Variants in ANO4 observed in about 807,000 individuals in gnomAD.
ANO4 encodes anoctamin-4.
Under a neutral mutation model 141.9 loss-of-function variants are expected in ANO4, and 69 were observed. The observed-to-expected ratio is 0.49, with a 90% CI of 0.40 to 0.59. The LOEUF (loss-of-function observed/expected upper bound fraction) is 0.59. Ranked by LOEUF, ANO4 falls within the 20% of genes least tolerant of loss-of-function variation. The pLI, the probability that ANO4 is intolerant of heterozygous loss-of-function variation, is 0.00. For missense variants in ANO4, 894 were observed against 1,162.2 expected, an observed-to-expected ratio of 0.77 and a Z score of 3.36; for synonymous variants, 350 against 394.3, an observed-to-expected ratio of 0.89 and a Z score of 1.33.
At chr12:100,865,588 A>G (rs1018198319) in intron 1 of ANO4, among the ~76,000 whole-genome samples, 4 of 152,204 alleles carry the variant, frequency 2.6e-5, no homozygotes, top group African/African-American at 9.7e-5. Flanking sequence ...GAGAAATGCA[A>G]ATCAAAAGCA....
At chr12:101,042,121 A>G (rs1018727250) in intron 11 of ANO4, among the ~76,000 whole-genome samples, 2 of 152,118 alleles carry the variant, frequency 1.3e-5, no homozygotes, top group Non-Finnish European at 2.9e-5. Context: ...ATGTTATTTT[A>G]TGGAAGGGCT....
At chr12:100,937,116 C>A (rs540336507) in intron 3 of ANO4, among the ~76,000 whole-genome samples, 16 of 152,188 alleles carry the variant, frequency 1.1e-4, no homozygotes, top group African/African-American at 3.1e-4. Flanking sequence ...ATGCCAAGTC[C>A]CAGAACCATA....
In ANO4 at chr12:100,870,155, A is replaced by G. The variant is rs190790281; in HGVS notation, c.-140-31491A>G. On this transcript the variant is annotated intron_variant, in intron 1 of 27. Transcript: ENST00000392977. ...CAGTTACTGGGACTTGGAGACAGGC[A>G]TAACTGTGGAAAGGGTTGCTGGAAA... Among the ~76,000 whole-genome samples, 476 of 152,326 alleles carry G rather than the reference A, an allele frequency of 3.1e-3. 4 individuals carry two copies. The highest frequency in any genetic ancestry group is 0.01 in the African/African-American group (425 of 41,586).
At chr12:100,786,281 T>C (rs1043999446) in intron 3 of ANO4, among the ~76,000 whole-genome samples, 1 of 152,192 alleles carries the variant, frequency 6.6e-6, no homozygotes, top group Non-Finnish European at 1.5e-5. Flanking sequence ...ATTGCAGTTA[T>C]GAGCAGAGGC....
chr12:100,929,542 A>C (rs1241741429), intron 3 of ANO4, among the ~76,000 whole-genome samples: 1 of 152,118 alleles, frequency 6.6e-6, no homozygotes, highest in Non-Finnish European at 1.5e-5. Context: ...GTTCCTTCCA[A>C]ATCTTGGCTA....
intron 17 of ANO4, among the ~76,000 whole-genome samples, chr12:101,089,062 T>C (rs1378628218): frequency 6.6e-6 from 1 of 152,152 alleles, no homozygotes; most frequent in Non-Finnish European, 1.5e-5. Context: ...CTGAAATGCT[T>C]ACATCTTTGA....
chr12:100,883,480 C>A (rs963727921), intron 1 of ANO4, among the ~76,000 whole-genome samples: 2 of 152,232 alleles, frequency 1.3e-5, no homozygotes, highest in African/African-American at 4.8e-5. Flanking sequence ...TGCTTACTGA[C>A]CTCTAATCTA....
chr12:101,077,466 G>C (rs1402207894), intron 14 of ANO4, among the ~76,000 whole-genome samples: 2 of 152,162 alleles, frequency 1.3e-5, no homozygotes, highest in African/African-American at 4.8e-5. Context: ...AGACTCACTG[G>C]AAGGACTCCA....
rs532718332 is a variant in ANO4 at position 100,788,436 on chromosome 12, G to A, written c.358+48331G>A. Among the ~76,000 whole-genome samples the A allele has an allele frequency of 7.9e-5, 12 of 152,326 alleles. No homozygotes were observed. The South Asian group carries it at 1.2e-3, about 16-fold the overall frequency. ...TTGGTCATTCCTGTTTCTGTAGGGTGCAAGAGTTGGCATATTATTTGTAGG... is the reference window on the plus strand; with the variant it reads ...TTGGTCATTCCTGTTTCTGTAGGGTACAAGAGTTGGCATATTATTTGTAGG... On this transcript the variant is annotated intron_variant, in intron 3 of 29. Coordinates refer to the ANO4 transcript ENST00000644049.
intron 5 of ANO4, among the ~76,000 whole-genome samples, chr12:100,946,880 G>A (rs574039605): frequency 1.3e-5 from 2 of 152,346 alleles, no homozygotes; most frequent in South Asian, 2.1e-4. Context: ...TCTAGAGTGT[G>A]TGGTTCAGGA....
In ANO4 at chr12:100,752,745, A is replaced by G. The variant is rs1366472559; in HGVS notation, c.358+12640A>G. On this transcript the variant is annotated intron_variant, in intron 3 of 29. Coordinates refer to the ANO4 transcript ENST00000644049. ...GAGTTGGCAAAGATGTGATCCCTCA[A>G]AAGGGCTCTGTATTCCCTGCAGTTC... Among the ~76,000 whole-genome samples the G allele has an allele frequency of 4.6e-5, 7 of 152,312 alleles. No homozygotes were observed. The East Asian group carries it at 9.6e-4, about 21-fold the overall frequency.
At chr12:101,110,149 T>C (rs1472664016) in intron 22 of ANO4, among the ~76,000 whole-genome samples, 1 of 152,100 alleles carries the variant, frequency 6.6e-6, no homozygotes, top group African/African-American at 2.4e-5. Context: ...CTGATTCCTT[T>C]GGTTAGAGAA....
At position 101,083,792 on chromosome 12, in the gene ANO4, G is replaced by A. The variant is rs200403749; in HGVS notation, c.1510G>A (p.Val504Ile). The A allele has an allele frequency of 2.3e-5, 36 of 1,569,914 alleles. No individual in the cohort carries two copies. Among genetic ancestry groups the A allele is most frequent in the East Asian group, 4.6e-5 (2 of 43,248 alleles). ...AFTDKCSRLI[V>I]SASGIFFMIC... Reference sequence around the variant, plus strand: ...TACAGATAAATGCAGCAGACTTATCGTTTCTGCATCTGGAATATTTTTTAT... The same window carrying A: ...TACAGATAAATGCAGCAGACTTATCATTTCTGCATCTGGAATATTTTTTAT... Residue 504 changes from valine to isoleucine, a missense_variant, in exon 16 of 28, where the codon GTT becomes ATT. Val to Ile is a conservative substitution (Grantham distance 29, BLOSUM62 3). Around this residue, in one of 2 missense-constraint regions of ANO4, gnomAD observed 637 missense variants for 909.2 expected, o/e 0.70. Coordinates refer to ENST00000392977, the MANE Select transcript of ANO4 (RefSeq NM_001286615.2).
chr12:100,722,856 C>T (rs2030930954), intron 1 of ANO4, among the ~76,000 whole-genome samples: 1 of 152,046 alleles, frequency 6.6e-6, no homozygotes, highest in Non-Finnish European at 1.5e-5. Flanking sequence ...AACTTTTACC[C>T]TTCAGAAAAG....
chr12:100,968,837 C>CTG (rs961107186), intron 5 of ANO4, among the ~76,000 whole-genome samples: 2 of 152,078 alleles, frequency 1.3e-5, no homozygotes, highest in African/African-American at 4.8e-5. Flanking sequence ...GCAGGACTGA[C>CTG]TGTGTGTGTG....
intron 1 of ANO4, among the ~76,000 whole-genome samples, chr12:100,878,292 GTCC>G (rs1356939048): frequency 2.6e-5 from 4 of 152,170 alleles, no homozygotes; most frequent in Non-Finnish European, 5.9e-5. Context: ...ACTGAATTTT[GTCC>G]TCCTAAGAAT....
At chr12:100,765,553 A>T (rs1257876256) in intron 3 of ANO4, among the ~76,000 whole-genome samples, 1 of 150,748 alleles carries the variant, frequency 6.6e-6, no homozygotes, top group African/African-American at 2.4e-5. Context: ...TAATATTTTT[A>T]ATTTTGTTTT....
chr12:101,061,389 G>T (rs2048338145), intron 14 of ANO4, among the ~76,000 whole-genome samples: 1 of 151,552 alleles, frequency 6.6e-6, no homozygotes, highest in South Asian at 2.1e-4. Flanking sequence ...GAGTATCTTT[G>T]TAGTGTTCTC....
At chr12:100,955,373 A>G (rs2043137957) in intron 5 of ANO4, among the ~76,000 whole-genome samples, 1 of 152,206 alleles carries the variant, frequency 6.6e-6, no homozygotes, top group Non-Finnish European at 1.5e-5. Context: ...CTGAAAGCTC[A>G]GTCAGGGTTG....
Sources: gnomAD v4.1 joint callset for allele counts (sites outside exome capture counted in the v4.1 genomes callset) on GRCh38, gnomAD v4.1.1 for gene constraint, gnomAD v4.1.1 regional missense constraint, MANE v1.5 for transcripts, NCBI Gene and HGNC (gene_info 2026-07-23, HGNC 2026-07-21) for gene names.